ERC1: variants seen among roughly 807,000 people sequenced by gnomAD.
The protein encoded by ERC1 is RAB6 interacting protein 2.
A neutral mutation model predicts 132.0 loss-of-function variants in ERC1; 56 were observed. That is an observed-to-expected ratio of 0.42 (90% CI 0.34 to 0.53). ERC1 has a LOEUF of 0.53. Ranked by LOEUF, ERC1 falls within the 20% of genes least tolerant of loss-of-function variation. The pLI is 0.03. For synonymous variants in ERC1, 478 were observed against 476.1 expected, an observed-to-expected ratio of 1.00 and a Z score of -0.05; for missense variants, 1,202 against 1,349.9, an observed-to-expected ratio of 0.89 and a Z score of 1.72.
At chr12:1,131,167 A>G (rs1341930165) in intron 7 of ERC1, among the ~76,000 whole-genome samples, 1 of 152,222 alleles carries the variant, frequency 6.6e-6, no homozygotes, top group Non-Finnish European at 1.5e-5. Flanking sequence ...AGTTGGGGCC[A>G]GGAATAAAGA....
chr12:1,408,952 C>G (rs1386937343), intron 17 of ERC1, among the ~76,000 whole-genome samples: 1 of 152,096 alleles, frequency 6.6e-6, no homozygotes, highest in Non-Finnish European at 1.5e-5. Flanking sequence ...TTTAACATCT[C>G]TATCACACCC....
intron 15 of ERC1, among the ~76,000 whole-genome samples, chr12:1,296,784 CTG>C (rs764071007): frequency 6.6e-6 from 1 of 152,128 alleles, no homozygotes; most frequent in Non-Finnish European, 1.5e-5. Context: ...ATTATTCAAT[CTG>C]TAGAACAGGG....
intron 15 of ERC1, among the ~76,000 whole-genome samples, chr12:1,352,198 T>C (rs2085066024): frequency 6.6e-6 from 1 of 152,168 alleles, no homozygotes; most frequent in South Asian, 2.1e-4. Flanking sequence ...CTTAGGGAGC[T>C]TTCTCAGGAT....
intron 16 of ERC1, among the ~76,000 whole-genome samples, chr12:1,403,195 T>C (rs2091217501): frequency 6.6e-6 from 1 of 152,214 alleles, no homozygotes; most frequent in South Asian, 2.1e-4. Flanking sequence ...GTTTCTTCCT[T>C]CTTCCCTTCT....
intron 12 of ERC1, among the ~76,000 whole-genome samples, chr12:1,216,601 T>G (rs867266864): frequency 0.036 from 310 of 8,668 alleles, no homozygotes; most frequent in Middle Eastern, 0.1. Context: ...CTTGGTGGGG[T>G]CGGGGAGGAG....
At chr12:1,380,446 A>G (rs186164548) in intron 16 of ERC1, 2 of 152,416 alleles carry the variant, frequency 1.3e-5, no homozygotes, top group African/African-American at 4.8e-5. Context: ...AGGCAAATCA[A>G]CAAGTCTGAT....
At chr12:1,150,938 C>T (rs1948946612) in intron 8 of ERC1, among the ~76,000 whole-genome samples, 1 of 152,166 alleles carries the variant, frequency 6.6e-6, no homozygotes, top group Non-Finnish European at 1.5e-5. Context: ...AAAGCACGGA[C>T]TCTTGTTAAG....
At position 1,490,958 on chromosome 12, in the gene ERC1, C is replaced by G; in HGVS notation, c.*728C>G. On this transcript the variant is annotated 3_prime_UTR_variant, in exon 19 of 19. Coordinates refer to ENST00000360905, the MANE Select transcript of ERC1 (RefSeq NM_178040.4). ...ATGGTGTGAGGTGTTCTCCACCAGT[C>G]TCTCCTGTTTGAGACTGTTGACGTT... The G allele has an allele frequency of 1.3e-5, 3 of 232,880 alleles. No individual in the cohort carries two copies. The highest frequency in any genetic ancestry group is 2.5e-5 in the Non-Finnish European group (3 of 117,798). 14.4% of individuals were successfully genotyped at this position (232,880 alleles called of 1,614,324 possible).
intron 10 of ERC1, among the ~76,000 whole-genome samples, 172 bp downstream of exon 10, chr12:1,182,237 CAT>C (rs1954560361): frequency 6.6e-6 from 1 of 152,176 alleles, no homozygotes; most frequent in Non-Finnish European, 1.5e-5. Context: ...TTTGCAGAGA[CAT>C]AGCGGATTGG....
intron 15 of ERC1, among the ~76,000 whole-genome samples, chr12:1,313,496 A>G (rs2081462284): frequency 1.3e-5 from 2 of 152,094 alleles, no homozygotes; most frequent in South Asian, 2.1e-4. Context: ...CTTTAATTCT[A>G]TCTATCCTAG....
At chr12:1,069,743 A>G (rs979425306) in intron 2 of ERC1, among the ~76,000 whole-genome samples, 1 of 152,174 alleles carries the variant, frequency 6.6e-6, no homozygotes, top group African/African-American at 2.4e-5. Context: ...AAACATACTA[A>G]TTTTTCTGTA....
chr12:1,367,422 T>C (rs1324223342), intron 15 of ERC1, among the ~76,000 whole-genome samples: 1 of 152,204 alleles, frequency 6.6e-6, no homozygotes, highest in Non-Finnish European at 1.5e-5. Flanking sequence ...GAGCGAATAA[T>C]AAACCTTGGT....
intron 8 of ERC1, among the ~76,000 whole-genome samples, chr12:1,157,881 A>G (rs371522109): frequency 6.6e-6 from 1 of 152,266 alleles, no homozygotes; most frequent in Non-Finnish European, 1.5e-5. Context: ...GACTTGTTCA[A>G]TATGGCCCCA....
At chr12:1,170,089 A>G (rs1388729864) in intron 8 of ERC1, among the ~76,000 whole-genome samples, 1 of 152,240 alleles carries the variant, frequency 6.6e-6, no homozygotes, top group Admixed American at 6.5e-5. Flanking sequence ...AAAGAAAAAA[A>G]TCTGTGTAAA....
At chr12:1,488,140 G>GAAAA (rs34258622) in intron 18 of ERC1, among the ~76,000 whole-genome samples, 30 of 68,016 alleles carry the variant, frequency 4.4e-4, no homozygotes, top group African/African-American at 1.0e-3. Flanking sequence ...TCACGTCTCA[G>GAAAA]AAAAAAAAAA....
At chr12:1,173,899 G>A (rs867053909) in intron 8 of ERC1, among the ~76,000 whole-genome samples, 40 of 151,988 alleles carry the variant, frequency 2.6e-4, no homozygotes, top group Middle Eastern at 3.4e-3. Context: ...AGTGAGTGAG[G>A]GCTCAGCTGT....
rs1224864479 is a variant in ERC1, at chr12:1,196,905, TACACACACACACACA to T, written c.2351+6854_2351+6868del. On this transcript the variant is annotated intron_variant, in intron 12 of 18. Transcript: ENST00000360905. ...GTCTGTCTGTCTCTCTCTGTCTCTC[TACACACACACACACA>T]CACACACACACACACACACACACAC... 4.7e-4 allele frequency among the ~76,000 whole-genome samples: 27 copies of T among 57,728 alleles called. 1 individual carries two copies. Among genetic ancestry groups the T allele is most frequent in the Admixed American group, 1.6e-3 (6 of 3,826 alleles). The allele number at this position is 57,728 out of a possible 152,430, so 37.9% of individuals were successfully genotyped here.
chr12:1,068,721 G>A (rs965093566), intron 2 of ERC1, among the ~76,000 whole-genome samples: 2 of 152,060 alleles, frequency 1.3e-5, no homozygotes, highest in Non-Finnish European at 2.9e-5. Flanking sequence ...TCTTATGCCC[G>A]ATTGCTTATC....
chr12:1,437,399 T>C (rs1260736693), intron 17 of ERC1, among the ~76,000 whole-genome samples: 3 of 152,222 alleles, frequency 2.0e-5, no homozygotes, highest in Non-Finnish European at 4.4e-5. Context: ...TAATGTATCT[T>C]ACAAATTTCC....
Sources: allele counts gnomAD v4.1 joint callset (sites outside exome capture counted in the v4.1 genomes callset), GRCh38; gene constraint gnomAD v4.1.1; transcripts MANE v1.5; gene names NCBI Gene and HGNC (gene_info 2026-07-23, HGNC 2026-07-21).